Variants in MARCHF5 observed in about 807,000 individuals in gnomAD.
MARCHF5 encodes E3 ubiquitin-protein ligase MARCHF5.
A neutral mutation model predicts 36.5 loss-of-function variants in MARCHF5; 5 were observed. The observed-to-expected ratio is 0.14, with a 90% CI of 0.07 to 0.29. The LOEUF (loss-of-function observed/expected upper bound fraction) is 0.29, where lower values mean the gene tolerates loss of function less well. Ranked by LOEUF, MARCHF5 falls within the 10% of genes least tolerant of loss-of-function variation. MARCHF5 has a pLI of 1.00. For missense variants in MARCHF5, 179 were observed against 336.3 expected (o/e 0.53, Z 3.66); for synonymous variants, 103 against 109.9 (o/e 0.94, Z 0.39).
At chr10:92,318,031 G>A (rs1236394238) in intron 2 of MARCHF5, among the ~76,000 whole-genome samples, 1 of 152,096 alleles carries the variant, frequency 6.6e-6, no homozygotes, top group African/African-American at 2.4e-5. Context: ...GATTACAGGT[G>A]TGAGCCACCA....
At chr10:92,320,530 T>C (rs754035580) in intron 2 of MARCHF5, among the ~76,000 whole-genome samples, 12 of 152,086 alleles carry the variant, frequency 7.9e-5, no homozygotes, top group Non-Finnish European at 1.8e-4. Context: ...GATGTAGAGA[T>C]GGAAGACAAT....
chr10:92,317,917 A>C (rs1239868794), intron 2 of MARCHF5, among the ~76,000 whole-genome samples: 1 of 151,898 alleles, frequency 6.6e-6, no homozygotes, highest in Non-Finnish European at 1.5e-5. Flanking sequence ...TGCCCAGCTA[A>C]GTTTTGTAGT....
chr10:92,325,054 G>A (rs1843338547), intron 2 of MARCHF5, among the ~76,000 whole-genome samples: 2 of 152,088 alleles, frequency 1.3e-5, no homozygotes, highest in Non-Finnish European at 2.9e-5. Context: ...AAAATAGAGT[G>A]GTGAGTGGTG....
chr10:92,333,869 T>C lies in MARCHF5; in HGVS notation c.239-6804T>C, dbSNP rs1412799290. On this transcript the variant is annotated intron_variant, in intron 2 of 5. Coordinates refer to ENST00000358935, the MANE Select transcript of MARCHF5 (RefSeq NM_017824.5). ...CTGTACTTCTGGGTGGCTCTGAAAA[T>C]GGGGTTGGTGTCTTAGCTTTAGAAA... is the stretch of plus-strand genomic sequence containing the variant. 1.1e-4 allele frequency among the ~76,000 whole-genome samples: 17 copies of C among 151,996 alleles called. 1 individual carries two copies. The highest frequency in any genetic ancestry group is 1.1e-3 in the Admixed American group (17 of 15,244).
At chr10:92,299,314 A>G (rs905113331) in intron 1 of MARCHF5, among the ~76,000 whole-genome samples, 1 of 148,336 alleles carries the variant, frequency 6.7e-6, no homozygotes, top group Non-Finnish European at 1.5e-5. Flanking sequence ...TGTGTCACGT[A>G]AAAGGATAAA....
Position 92,353,288 on chromosome 10 carries a change from A to G in MARCHF5, c.*2081A>G. ...TCCCAGGAAGGTGACCTGCCTGACC[A>G]TGAAGCAACAAAAGAGCATAGGCAG... is the stretch of plus-strand genomic sequence containing the variant. On this transcript the variant is annotated 3_prime_UTR_variant, in exon 6 of 6. Transcript: ENST00000358935. The G allele has an allele frequency of 6.6e-6, 1 of 152,258 alleles. No individual in the cohort carries two copies. The highest frequency in any genetic ancestry group is 1.9e-4 in the East Asian group (1 of 5,206). 9.4% of individuals were successfully genotyped at this position (152,258 alleles called of 1,614,324 possible).
At chr10:92,346,529 A>G (rs1341798470) in intron 3 of MARCHF5, among the ~76,000 whole-genome samples, 7 of 98,974 alleles carry the variant, frequency 7.1e-5, no homozygotes, top group Non-Finnish European at 1.1e-4. Context: ...ATGGAGTTTC[A>G]CTCTTGTTGC....
chr10:92,338,820 G>A (rs1362656993), intron 2 of MARCHF5, among the ~76,000 whole-genome samples: 1 of 152,160 alleles, frequency 6.6e-6, no homozygotes, highest in Non-Finnish European at 1.5e-5. Context: ...CAGTTTTTGT[G>A]TATAGCATCT....
At chr10:92,321,145 C>T (rs1017725487) in intron 2 of MARCHF5, among the ~76,000 whole-genome samples, 2 of 151,986 alleles carry the variant, frequency 1.3e-5, no homozygotes, top group African/African-American at 2.4e-5. Context: ...TACACCATAC[C>T]GACTCTGTGA....
intron 1 of MARCHF5, among the ~76,000 whole-genome samples, chr10:92,292,117 A>G (rs1206871116): frequency 6.6e-6 from 1 of 151,114 alleles, no homozygotes; most frequent in Non-Finnish European, 1.5e-5. Context: ...GGTTATGGAA[A>G]ACAGCCAAAT....
intron 2 of MARCHF5, among the ~76,000 whole-genome samples, chr10:92,337,007 C>G (rs1340788000): frequency 2.0e-5 from 3 of 151,814 alleles, no homozygotes; most frequent in Non-Finnish European, 4.4e-5. Context: ...CCTGTAGTCC[C>G]AGCTACTTGG....
chr10:92,313,533 A>C (rs1336098084), intron 2 of MARCHF5, among the ~76,000 whole-genome samples: 2 of 151,836 alleles, frequency 1.3e-5, no homozygotes, highest in Admixed American at 1.3e-4. Context: ...TAAACCCGGG[A>C]GGCAGAGCTT....
chr10:92,305,544 T>G (rs933551174), intron 1 of MARCHF5, among the ~76,000 whole-genome samples: 1 of 152,200 alleles, frequency 6.6e-6, no homozygotes, highest in Non-Finnish European at 1.5e-5. Context: ...CCCCCAGAGT[T>G]TCTGATTCTG....
At chr10:92,347,416 T>C (rs1302358302) in intron 3 of MARCHF5, among the ~76,000 whole-genome samples, 1 of 151,644 alleles carries the variant, frequency 6.6e-6, no homozygotes, top group African/African-American at 2.4e-5. Flanking sequence ...ACTCAGGAGG[T>C]GGAGGTTGCA....
chr10:92,294,962 G>A (rs556345594), intron 1 of MARCHF5, among the ~76,000 whole-genome samples: 12 of 152,260 alleles, frequency 7.9e-5, no homozygotes, highest in Admixed American at 6.5e-4. Flanking sequence ...TTCCTTGGGG[G>A]TCGTGGCTGT....
rs761636117 is a variant in MARCHF5, at chr10:92,349,627, C to G, written c.554-44C>G. The G allele has an allele frequency of 6.9e-6, 11 of 1,602,290 alleles. No individual in the cohort carries two copies. The Admixed American group carries it at 1.9e-4, about 28-fold the overall frequency. On this transcript the variant is annotated intron_variant, in intron 4 of 5. Coordinates refer to ENST00000358935, the MANE Select transcript of MARCHF5 (RefSeq NM_017824.5). The stretch of plus-strand genomic sequence containing the variant: ...AGCCATGTTTGAAGGTAGTCTAACT[C>G]TTCTGATTTATTAGCACTAACGCAC...
At chr10:92,299,515 A>T (rs1219922891) in intron 1 of MARCHF5, among the ~76,000 whole-genome samples, 1 of 152,158 alleles carries the variant, frequency 6.6e-6, no homozygotes, top group Non-Finnish European at 1.5e-5. Context: ...TATTGAATTC[A>T]GCTGAAATAC....
chr10:92,307,399 C>A (rs1843088418), intron 1 of MARCHF5, among the ~76,000 whole-genome samples: 1 of 152,114 alleles, frequency 6.6e-6, no homozygotes, highest in Admixed American at 6.6e-5. Flanking sequence ...TAAATTTAAA[C>A]AACTAGTAAG....
At chr10:92,308,271 A>G (rs1255980807) in intron 1 of MARCHF5, among the ~76,000 whole-genome samples, 1 of 152,008 alleles carries the variant, frequency 6.6e-6, no homozygotes, top group African/African-American at 2.4e-5. Flanking sequence ...CATATAGGGT[A>G]ACTTCGTGAC....
Sources: gnomAD v4.1 joint callset for allele counts (sites outside exome capture counted in the v4.1 genomes callset) on GRCh38, gnomAD v4.1.1 for gene constraint, MANE v1.5 for transcripts, NCBI Gene and HGNC (gene_info 2026-07-23, HGNC 2026-07-21) for gene names.